KCNH7: variants seen among roughly 807,000 people sequenced by gnomAD.
The protein encoded by KCNH7 is potassium voltage-gated channel subfamily H member 7.
Under a neutral mutation model 120.8 loss-of-function variants are expected in KCNH7, and 49 were observed. The observed-to-expected ratio is 0.41, with a 90% confidence interval of 0.32 to 0.51. The LOEUF (loss-of-function observed/expected upper bound fraction) is 0.51, where lower values mean the gene tolerates loss of function less well. Ranked by LOEUF, KCNH7 falls within the 20% of genes least tolerant of loss-of-function variation. The pLI is 0.38. For missense variants in KCNH7, 1,097 were observed against 1,446.6 expected (o/e 0.76, Z 3.92); for synonymous variants, 547 against 516.1 (o/e 1.06, Z -0.81).
At chr2:162,582,379 T>C (rs959365881) in intron 2 of KCNH7, among the ~76,000 whole-genome samples, 4 of 152,032 alleles carry the variant, frequency 2.6e-5, no homozygotes, top group Admixed American at 2.6e-4. Flanking sequence ...CATTTAACCC[T>C]TTAGTAGTAA....
chr2:162,497,392 A>G (rs1424870507), intron 6 of KCNH7, among the ~76,000 whole-genome samples: 6 of 152,128 alleles, frequency 3.9e-5, no homozygotes, highest in Non-Finnish European at 7.4e-5. Context: ...AATCAGCATA[A>G]AGTAGATGGT....
At chr2:162,493,321 G>A (rs1690388147) in intron 6 of KCNH7, among the ~76,000 whole-genome samples, 1 of 152,016 alleles carries the variant, frequency 6.6e-6, no homozygotes, top group Non-Finnish European at 1.5e-5. Flanking sequence ...TAATTAATTG[G>A]CTTAAAGAAA....
chr2:162,711,466 G>A (rs1242952302), intron 2 of KCNH7, among the ~76,000 whole-genome samples: 4 of 152,218 alleles, frequency 2.6e-5, no homozygotes, highest in Non-Finnish European at 4.4e-5. Context: ...CTTCTGCAAC[G>A]TGCGTTGCTC....
chr2:162,690,803 G>T (rs1268257342), intron 2 of KCNH7, among the ~76,000 whole-genome samples: 1 of 152,150 alleles, frequency 6.6e-6, no homozygotes, highest in African/African-American at 2.4e-5. Context: ...TTTAGGGAGA[G>T]AAAACTTGCA....
At chr2:162,816,134 G>A (rs937108647) in intron 2 of KCNH7, among the ~76,000 whole-genome samples, 3 of 151,864 alleles carry the variant, frequency 2.0e-5, no homozygotes, top group African/African-American at 7.3e-5. Flanking sequence ...GCGCATGCCT[G>A]TAATCCCAGC....
intron 6 of KCNH7, among the ~76,000 whole-genome samples, chr2:162,482,649 T>C (rs981079596): frequency 5.9e-5 from 9 of 152,146 alleles, no homozygotes; most frequent in African/African-American, 1.9e-4. Flanking sequence ...TCAAGGTATG[T>C]GTCAGGTCAC....
At chr2:162,416,447 C>T (rs762798665) in intron 9 of KCNH7, among the ~76,000 whole-genome samples, 1 of 152,020 alleles carries the variant, frequency 6.6e-6, no homozygotes, top group Non-Finnish European at 1.5e-5. Context: ...GGCTAAATCC[C>T]TATCTTGGAA....
At chr2:162,408,892 AT>A (rs1350511882) in intron 9 of KCNH7, among the ~76,000 whole-genome samples, 6 of 151,944 alleles carry the variant, frequency 3.9e-5, no homozygotes, top group Non-Finnish European at 8.8e-5. Context: ...GTGATAAAAA[AT>A]GAAACAATTT....
intron 2 of KCNH7, among the ~76,000 whole-genome samples, chr2:162,552,889 C>T (rs895491974): frequency 5.1e-4 from 77 of 152,260 alleles, no homozygotes; most frequent in African/African-American, 1.7e-3. Context: ...CAGATGAGAA[C>T]CCCTGCTACA....
At chr2:162,828,722 A>C (rs16847408) in intron 2 of KCNH7, among the ~76,000 whole-genome samples, 10,819 of 152,188 alleles carry the variant, frequency 0.071, 416 homozygotes, top group South Asian at 0.11. Flanking sequence ...CACGTGGCTC[A>C]GGGAACCTCA....
At chr2:162,793,123 G>A (rs144168520) in intron 2 of KCNH7, among the ~76,000 whole-genome samples, 43 of 152,056 alleles carry the variant, frequency 2.8e-4, no homozygotes, top group African/African-American at 9.6e-4. Context: ...GCCATAAAAA[G>A]GAATGAGATC....
intron 2 of KCNH7, among the ~76,000 whole-genome samples, chr2:162,830,184 G>T (rs1685426989): frequency 6.6e-6 from 1 of 152,062 alleles, no homozygotes; most frequent in Non-Finnish European, 1.5e-5. Context: ...GTTTCTTTCG[G>T]GTGAGAAGCT....
intron 2 of KCNH7, among the ~76,000 whole-genome samples, chr2:162,732,201 C>G (rs1186436490): frequency 6.6e-6 from 1 of 152,046 alleles, no homozygotes; most frequent in Admixed American, 6.6e-5. Context: ...ACTCTTCTCC[C>G]TTTTCTGTAG....
chr2:162,647,210 T>TACA (rs1279526894), intron 2 of KCNH7, among the ~76,000 whole-genome samples: 3 of 152,176 alleles, frequency 2.0e-5, no homozygotes, highest in African/African-American at 4.8e-5. Context: ...CTAAGAGATT[T>TACA]ACAGTTGCCC....
intron 2 of KCNH7, among the ~76,000 whole-genome samples, chr2:162,740,737 G>A (rs889576269): frequency 3.3e-5 from 5 of 152,136 alleles, no homozygotes; most frequent in Non-Finnish European, 5.9e-5. Context: ...ATCAGGGAAT[G>A]CCATCTAATA....
intron 2 of KCNH7, among the ~76,000 whole-genome samples, chr2:162,550,907 A>AATAATC (rs1375265774): frequency 6.6e-6 from 1 of 151,214 alleles, no homozygotes; most frequent in Non-Finnish European, 1.5e-5. Flanking sequence ...TAATAATAAT[A>AATAATC]ATAATAATAA....
At chr2:162,568,584 AT>A (rs1312037971) in intron 2 of KCNH7, among the ~76,000 whole-genome samples, 4 of 151,962 alleles carry the variant, frequency 2.6e-5, no homozygotes, top group African/African-American at 7.2e-5. Context: ...ATTAATACAC[AT>A]TTTTTTCTTT....
intron 2 of KCNH7, among the ~76,000 whole-genome samples, chr2:162,553,808 A>G (rs1024531364): frequency 2.0e-5 from 3 of 152,210 alleles, no homozygotes; most frequent in Admixed American, 6.5e-5. Context: ...CAGGAAATAC[A>G]TAAGTAACAG....
intron 2 of KCNH7, among the ~76,000 whole-genome samples, chr2:162,599,373 T>C (rs1348317019): frequency 6.6e-6 from 1 of 152,060 alleles, no homozygotes; most frequent in Non-Finnish European, 1.5e-5. Flanking sequence ...CACTGTTGGA[T>C]CCAGGCAAAG....
Sources: allele counts gnomAD v4.1 joint callset (sites outside exome capture counted in the v4.1 genomes callset), GRCh38; gene constraint gnomAD v4.1.1; transcripts MANE v1.5; gene names NCBI Gene and HGNC (gene_info 2026-07-23, HGNC 2026-07-21).